The following SAMD12 variants were observed in gnomAD, a reference collection of about 807,000 sequenced individuals.
SAMD12 encodes sterile alpha motif domain containing 12, also known as sterile alpha motif domain-containing protein 12.
A neutral mutation model predicts 15.0 loss-of-function variants in SAMD12; 9 were observed. That is an observed-to-expected ratio of 0.60 (90% CI 0.36 to 1.05). The LOEUF is 1.05. SAMD12 is among the 50% of genes least tolerant of loss of function. The probability of loss-of-function intolerance (pLI) is 0.01; values close to 1 mark genes in which losing one functional copy is unlikely to be tolerated. For missense variants in SAMD12, 230 were observed against 234.2 expected, an observed-to-expected ratio of 0.98 and a Z score of 0.12; for synonymous variants, 86 against 90.1, an observed-to-expected ratio of 0.96 and a Z score of 0.25.
chr8:118,515,486 G>A (rs893117014), intron 2 of SAMD12, among the ~76,000 whole-genome samples: 1 of 151,962 alleles, frequency 6.6e-6, no homozygotes, highest in African/African-American at 2.4e-5. Context: ...CCCAGTTTCA[G>A]GTATTTATTT....
chr8:118,605,971 C>A (rs1827978341), intron 1 of SAMD12, among the ~76,000 whole-genome samples: 2 of 151,838 alleles, frequency 1.3e-5, no homozygotes, highest in Non-Finnish European at 2.9e-5. Context: ...TTTATGATTT[C>A]TTTCTTGCTC....
intron 2 of SAMD12, among the ~76,000 whole-genome samples, chr8:118,509,121 T>C (rs1467625520): frequency 6.6e-6 from 1 of 152,206 alleles, no homozygotes; most frequent in East Asian, 1.9e-4. Flanking sequence ...ATCACTTTCT[T>C]GGGTGATCCT....
At chr8:118,258,211 G>A (rs1812998179) in intron 4 of SAMD12, among the ~76,000 whole-genome samples, 1 of 152,150 alleles carries the variant, frequency 6.6e-6, no homozygotes, top group South Asian at 2.1e-4. Context: ...GAGAACTGCA[G>A]CAGAACAGGA....
At chr8:118,323,851 C>A (rs1386347120) in intron 4 of SAMD12, among the ~76,000 whole-genome samples, 2 of 152,052 alleles carry the variant, frequency 1.3e-5, no homozygotes, top group Non-Finnish European at 1.5e-5. Context: ...TACAACACAA[C>A]ATCACTGGCA....
intron 4 of SAMD12, among the ~76,000 whole-genome samples, chr8:118,295,932 C>G (rs969818771): frequency 2.0e-5 from 3 of 152,096 alleles, no homozygotes; most frequent in Non-Finnish European, 4.4e-5. Context: ...GGCTGACCCA[C>G]TGCAACTGGT....
chr8:118,458,267 C>A (rs561120614), intron 2 of SAMD12, among the ~76,000 whole-genome samples: 2 of 152,220 alleles, frequency 1.3e-5, no homozygotes, highest in Admixed American at 1.3e-4. Flanking sequence ...AATTCCATTT[C>A]CATTTTCCTC....
intron 2 of SAMD12, among the ~76,000 whole-genome samples, chr8:118,453,408 G>T (rs1823141889): frequency 6.6e-6 from 1 of 152,098 alleles, no homozygotes; most frequent in Non-Finnish European, 1.5e-5. Context: ...AAGTTTCCCA[G>T]CCTTAAAAGT....
At chr8:118,484,997 G>C (rs1341596893) in intron 2 of SAMD12, among the ~76,000 whole-genome samples, 1 of 152,162 alleles carries the variant, frequency 6.6e-6, no homozygotes, top group African/African-American at 2.4e-5. Context: ...GGGTGGTCCT[G>C]ACCACCCAGC....
chr8:118,203,305 G>C (rs1819764284), intron 4 of SAMD12, among the ~76,000 whole-genome samples: 1 of 152,136 alleles, frequency 6.6e-6, no homozygotes, highest in South Asian at 2.1e-4. Context: ...CCTATGTTTA[G>C]AGCACTGGTT....
exon 5 of SAMD12, chr8:118,197,600 G>C: frequency 1.1e-6 from 1 of 951,772 alleles, no homozygotes; most frequent in Non-Finnish European, 1.7e-6. Context: ...CAGTTAATCT[G>C]TCCACGATCC....
chr8:118,439,632 C>A (rs972239115), intron 3 of SAMD12, among the ~76,000 whole-genome samples, 200 bp downstream of exon 3: 1 of 151,848 alleles, frequency 6.6e-6, no homozygotes, highest in Non-Finnish European at 1.5e-5. Context: ...ATGCTAAAAT[C>A]CACAGTTTTC....
intron 2 of SAMD12, among the ~76,000 whole-genome samples, chr8:118,531,626 T>C (rs2131120386): frequency 6.6e-6 from 1 of 152,366 alleles, no homozygotes; most frequent in Non-Finnish European, 1.5e-5. Context: ...TGTAATTCTC[T>C]TGAAGAGGTC....
At position 118,191,755 on chromosome 8, in the gene SAMD12, A is replaced by ATTATATTT. The variant is rs1222293487; in HGVS notation, c.*5954_*5955insAAATATAA. On this transcript the variant is annotated 3_prime_UTR_variant, in exon 5 of 5. Transcript: ENST00000409003. Reference sequence around the variant, plus strand: ...TTGTGGTTGAAAAAAAATACTGGAGATTATATATATATATATATATATATA... The same window carrying ATTATATTT: ...TTGTGGTTGAAAAAAAATACTGGAGATTATATTTTTATATATATATATATATATATATA... 2.1e-4 allele frequency: 7 copies of ATTATATTT among 34,126 alleles called. 1 individual carries two copies. The East Asian group carries it at 5.1e-3, about 25-fold the overall frequency. 2.1% of individuals were successfully genotyped at this position (34,126 alleles called of 1,614,324 possible).
intron 2 of SAMD12, among the ~76,000 whole-genome samples, chr8:118,455,325 T>G (rs1040725546): frequency 4.0e-5 from 6 of 151,758 alleles, no homozygotes; most frequent in Non-Finnish European, 8.8e-5. Flanking sequence ...CTAGAATGCC[T>G]ATTACTAAAC....
intron 4 of SAMD12, among the ~76,000 whole-genome samples, chr8:118,205,977 CT>C (rs1819852441): frequency 6.6e-6 from 1 of 152,212 alleles, no homozygotes; most frequent in Non-Finnish European, 1.5e-5. Flanking sequence ...GGCCACTAGT[CT>C]ACTACACTGT....
intron 2 of SAMD12, among the ~76,000 whole-genome samples, chr8:118,449,673 C>T (rs1447664802): frequency 1.3e-5 from 2 of 151,446 alleles, no homozygotes; most frequent in African/African-American, 2.4e-5. Flanking sequence ...GTGGCAGGCG[C>T]CTGTAGTCCC....
At chr8:118,460,661 G>A (rs1823390557) in intron 2 of SAMD12, among the ~76,000 whole-genome samples, 1 of 152,168 alleles carries the variant, frequency 6.6e-6, no homozygotes, top group African/African-American at 2.4e-5. Flanking sequence ...TTGGAAGATG[G>A]TGAGAGGGGA....
intron 1 of SAMD12, among the ~76,000 whole-genome samples, chr8:118,591,160 T>C (rs1413826550): frequency 6.6e-6 from 1 of 152,184 alleles, no homozygotes; most frequent in Non-Finnish European, 1.5e-5. Context: ...TATGTACTTT[T>C]ATGGTATATA....
chr8:118,216,664 ATAC>A (rs1811967518), intron 4 of SAMD12, among the ~76,000 whole-genome samples: 1 of 152,240 alleles, frequency 6.6e-6, no homozygotes, highest in African/African-American at 2.4e-5. Flanking sequence ...AACAGAAAAA[ATAC>A]AACATTACAG....
Sources: allele counts gnomAD v4.1 joint callset (sites outside exome capture counted in the v4.1 genomes callset), GRCh38; gene constraint gnomAD v4.1.1; transcripts MANE v1.5; gene names NCBI Gene and HGNC (gene_info 2026-07-23, HGNC 2026-07-21).